Variants in RALYL observed in about 807,000 individuals in gnomAD.
RALYL encodes the protein RNA-binding Raly-like protein.
RALYL carries 29 observed loss-of-function variants against 35.1 expected under a neutral mutation model. The observed-to-expected ratio is 0.83, with a 90% CI of 0.61 to 1.13. The LOEUF is 1.13. Ranked by LOEUF, RALYL falls within the 50% of genes most tolerant of loss-of-function variation. The pLI is 0.00. For missense variants in RALYL, 359 were observed against 360.4 expected (o/e 1.00, Z 0.03); for synonymous variants, 120 against 127.6 (o/e 0.94, Z 0.40).
chr8:84,827,868 C>G (rs1459450467), intron 4 of RALYL, among the ~76,000 whole-genome samples: 1 of 152,026 alleles, frequency 6.6e-6, no homozygotes, highest in African/African-American at 2.4e-5. Context: ...TCATAAGTAT[C>G]TTTAACAAAT....
Position 84,914,673 on chromosome 8 carries a change from T to C in RALYL, c.859-6221T>C, listed in dbSNP as rs374596735. 2.2e-4 allele frequency among the ~76,000 whole-genome samples: 34 copies of C among 152,112 alleles called. 1 individual carries two copies. The South Asian group carries it at 7.0e-3, about 32-fold the overall frequency. ...TGTTCTTTTTACCTAATCAAAGTAG[T>C]TTTACAACATAAAAGGTCTTTTTCA... On this transcript the variant is annotated intron_variant, in intron 8 of 8. Transcript: ENST00000521268.
chr8:84,366,549 G>T (rs1446363690), intron 1 of RALYL, among the ~76,000 whole-genome samples: 1 of 152,028 alleles, frequency 6.6e-6, no homozygotes, highest in Non-Finnish European at 1.5e-5. Flanking sequence ...GGCTGAGGAG[G>T]GCAGATCATG....
At chr8:84,367,357 T>A (rs1355919667) in intron 1 of RALYL, among the ~76,000 whole-genome samples, 1 of 86,274 alleles carries the variant, frequency 1.2e-5, no homozygotes, top group African/African-American at 5.4e-5. Context: ...TTTTTTTTTT[T>A]TTTTTTTTTT....
At chr8:84,854,650 A>G (rs931444054) in intron 5 of RALYL, among the ~76,000 whole-genome samples, 1 of 152,222 alleles carries the variant, frequency 6.6e-6, no homozygotes, top group Non-Finnish European at 1.5e-5. Context: ...ACTTACGTAT[A>G]ACAGGGCTAA....
chr8:84,300,268 G>A (rs1041938882), intron 1 of RALYL, among the ~76,000 whole-genome samples: 1 of 151,812 alleles, frequency 6.6e-6, no homozygotes, highest in African/African-American at 2.4e-5. Flanking sequence ...TCATAGTACT[G>A]ACTTCTATTT....
At chr8:84,362,497 C>T (rs756070638) in intron 1 of RALYL, among the ~76,000 whole-genome samples, 3 of 152,080 alleles carry the variant, frequency 2.0e-5, no homozygotes, top group East Asian at 1.9e-4. Context: ...AGGAGGCAAG[C>T]GAGCATTACC....
At chr8:84,826,292 G>GA (rs1169764529) in intron 4 of RALYL, among the ~76,000 whole-genome samples, 2,864 of 65,632 alleles carry the variant, frequency 0.044, 62 homozygotes, top group East Asian at 0.054. Context: ...CCCTGAATCT[G>GA]AAAAAAAAAA....
chr8:84,579,227 G>A (rs574030880), intron 2 of RALYL, among the ~76,000 whole-genome samples: 33 of 152,172 alleles, frequency 2.2e-4, no homozygotes, highest in Middle Eastern at 3.2e-3. Context: ...ATGCACACAC[G>A]TGGCCAGGTT....
chr8:84,798,039 G>A (rs369097770), intron 3 of RALYL, among the ~76,000 whole-genome samples: 26 of 152,202 alleles, frequency 1.7e-4, no homozygotes, highest in African/African-American at 5.8e-4. Flanking sequence ...CTAAGGTCCT[G>A]TTAGTGAGCC....
At chr8:84,591,364 GC>G (rs1813224363) in intron 2 of RALYL, among the ~76,000 whole-genome samples, 1 of 152,112 alleles carries the variant, frequency 6.6e-6, no homozygotes, top group Non-Finnish European at 1.5e-5. Flanking sequence ...TTATAATACA[GC>G]AAAAAGCATA....
chr8:84,403,615 G>A (rs1450533480), intron 1 of RALYL, among the ~76,000 whole-genome samples: 10 of 143,560 alleles, frequency 7.0e-5, no homozygotes, highest in South Asian at 2.3e-4. Flanking sequence ...GTCAGGTAGC[G>A]TGATGCCTCC....
At chr8:84,549,780 G>T (rs1466717853) in intron 2 of RALYL, among the ~76,000 whole-genome samples, 1 of 152,148 alleles carries the variant, frequency 6.6e-6, no homozygotes, top group Non-Finnish European at 1.5e-5. Flanking sequence ...CCCCCAGGAG[G>T]CCTGTCCAGT....
intron 2 of RALYL, among the ~76,000 whole-genome samples, chr8:84,727,114 T>G (rs150608988): frequency 1.7e-4 from 26 of 152,072 alleles, no homozygotes; most frequent in African/African-American, 6.0e-4. Context: ...AAGGCTCTAC[T>G]GAAAAGTGGG....
intron 1 of RALYL, among the ~76,000 whole-genome samples, chr8:84,507,327 T>C (rs1213166836): frequency 1.3e-5 from 2 of 152,124 alleles, no homozygotes; most frequent in Non-Finnish European, 2.9e-5. Context: ...CATTGGTCCA[T>C]GCATGACCCA....
chr8:84,724,028 CAAAT>C (rs1323053503), intron 2 of RALYL, among the ~76,000 whole-genome samples: 6 of 151,650 alleles, frequency 4.0e-5, no homozygotes, highest in African/African-American at 7.3e-5. Context: ...ATTTGATGAA[CAAAT>C]AAATGAATGA....
chr8:84,505,341 A>G (rs2057073924), intron 1 of RALYL, among the ~76,000 whole-genome samples: 1 of 152,158 alleles, frequency 6.6e-6, no homozygotes, highest in African/African-American at 2.4e-5. Context: ...TTCAAACAAG[A>G]TAAACAAATA....
At position 84,919,807 on chromosome 8, in the gene RALYL, A is replaced by T. The variant is rs1306521483; in HGVS notation, c.859-1087A>T. Among the ~76,000 whole-genome samples the T allele has an allele frequency of 8.0e-4, 122 of 151,942 alleles. 1 individual carries two copies. The highest frequency in any genetic ancestry group is 2.1e-4 in the South Asian group (1 of 4,826). On this transcript the variant is annotated intron_variant, in intron 8 of 8. Coordinates refer to ENST00000521268, the MANE Select transcript of RALYL (RefSeq NM_173848.7). ...GTTTTGTTTTAGATCAGTTTATTAAATTTTTTTTCATGTTAGACAGGTAAT... is the reference window on the plus strand; with the variant it reads ...GTTTTGTTTTAGATCAGTTTATTAATTTTTTTTTCATGTTAGACAGGTAAT...
At chr8:84,497,542 TCA>T (rs1225812691) in intron 1 of RALYL, among the ~76,000 whole-genome samples, 4 of 152,130 alleles carry the variant, frequency 2.6e-5, no homozygotes, top group Admixed American at 2.6e-4. Flanking sequence ...GAGGATAGTA[TCA>T]TATAAGTTAT....
intron 1 of RALYL, among the ~76,000 whole-genome samples, chr8:84,371,414 A>T (rs182784726): frequency 6.6e-6 from 1 of 152,112 alleles, no homozygotes; most frequent in East Asian, 1.9e-4. Flanking sequence ...CTTGGAACTT[A>T]CTTCCTCCTT....
Sources: gnomAD v4.1 joint callset for allele counts (sites outside exome capture counted in the v4.1 genomes callset) on GRCh38, gnomAD v4.1.1 for gene constraint, MANE v1.5 for transcripts, NCBI Gene and HGNC (gene_info 2026-07-23, HGNC 2026-07-21) for gene names.